Variants in CA10 observed in about 807,000 individuals in gnomAD.
CA10 encodes the protein carbonic anhydrase-related protein 10.
CA10 carries 14 observed loss-of-function variants against 44.2 expected under a neutral mutation model. The ratio of observed to expected loss-of-function variants is 0.32; its 90% CI spans 0.21 to 0.50. The LOEUF (loss-of-function observed/expected upper bound fraction) is 0.50. CA10 is among the 20% of genes least tolerant of loss of function. The pLI is 0.99. For synonymous variants in CA10, 159 were observed against 141.6 expected, an observed-to-expected ratio of 1.12 and a Z score of -0.87; for missense variants, 350 against 409.7, an observed-to-expected ratio of 0.85 and a Z score of 1.26.
At chr17:51,715,933 G>A (rs1313189194) in intron 4 of CA10, among the ~76,000 whole-genome samples, 16 of 151,996 alleles carry the variant, frequency 1.1e-4, no homozygotes, top group Admixed American at 2.0e-4. Flanking sequence ...CAGGTGATCC[G>A]CCCACCTCGG....
intron 2 of CA10, among the ~76,000 whole-genome samples, chr17:52,064,781 G>T (rs540479442): frequency 6.6e-6 from 1 of 152,142 alleles, no homozygotes; most frequent in Non-Finnish European, 1.5e-5. Context: ...ATGCTGTCCT[G>T]AGCCAAAGTA....
At chr17:51,878,888 A>G (rs1410957006) in intron 3 of CA10, among the ~76,000 whole-genome samples, 5,282 of 15,282 alleles carry the variant, frequency 0.35, 919 homozygotes, top group African/African-American at 0.48. Context: ...ATATATATAT[A>G]TATGGGTGTG....
chr17:51,790,879 C>T (rs1205375687), intron 3 of CA10, among the ~76,000 whole-genome samples: 2 of 152,190 alleles, frequency 1.3e-5, no homozygotes, highest in African/African-American at 4.8e-5. Context: ...TCAATATTAT[C>T]TCTGTTTTGG....
At chr17:51,718,025 A>G (rs968854527) in intron 4 of CA10, among the ~76,000 whole-genome samples, 37 of 149,790 alleles carry the variant, frequency 2.5e-4, no homozygotes, top group African/African-American at 8.9e-4. Flanking sequence ...CTGAAGACGT[A>G]AAGGCATAAG....
chr17:52,019,419 T>G (rs1165601057), intron 2 of CA10, among the ~76,000 whole-genome samples: 1 of 152,156 alleles, frequency 6.6e-6, no homozygotes, highest in Non-Finnish European at 1.5e-5. Context: ...TATCTTTGAC[T>G]GATTCACCCT....
chr17:52,118,559 AC>A (rs1214153873), intron 1 of CA10, among the ~76,000 whole-genome samples: 1 of 152,158 alleles, frequency 6.6e-6, no homozygotes, highest in Non-Finnish European at 1.5e-5. Flanking sequence ...CCCCTGGAGC[AC>A]CCAAAAGAGA....
intron 4 of CA10, among the ~76,000 whole-genome samples, chr17:51,699,173 A>T (rs1258287838): frequency 2.0e-5 from 3 of 151,926 alleles, no homozygotes; most frequent in African/African-American, 7.3e-5. Flanking sequence ...ATACAAAAAA[A>T]TTACCCAGGT....
chr17:51,773,957 GTAT>G (rs1905709813), intron 3 of CA10, among the ~76,000 whole-genome samples: 1 of 152,152 alleles, frequency 6.6e-6, no homozygotes, highest in Admixed American at 6.6e-5. Context: ...ACACACACCT[GTAT>G]TATTATAAGT....
At chr17:51,946,791 T>C (rs1598133010) in intron 2 of CA10, among the ~76,000 whole-genome samples, 1 of 152,156 alleles carries the variant, frequency 6.6e-6, no homozygotes, top group African/African-American at 2.4e-5. Flanking sequence ...GCAGAAAGCA[T>C]GTTTTTGCGT....
intron 1 of CA10, among the ~76,000 whole-genome samples, chr17:52,116,090 C>CAAAAAAAAAAAAAAAAAAAAAA (rs71149393): frequency 7.3e-6 from 1 of 136,748 alleles, no homozygotes; most frequent in African/African-American, 2.6e-5. Flanking sequence ...GACTCTGTCT[C>CAAAAAAAAAAAAAAAAAAAAAA]AAAAAAAAAA....
intron 2 of CA10, among the ~76,000 whole-genome samples, chr17:51,984,031 G>T (rs894069865): frequency 1.3e-5 from 2 of 151,620 alleles, no homozygotes; most frequent in African/African-American, 2.4e-5. Flanking sequence ...TATTGTATTT[G>T]ATTATCTTCC....
chr17:52,131,911 C>CA (rs1989249232), intron 1 of CA10, among the ~76,000 whole-genome samples: 1 of 149,778 alleles, frequency 6.7e-6, no homozygotes, highest in Non-Finnish European at 1.5e-5. Context: ...ATAGCTAGGA[C>CA]AAAAAACCAA....
chr17:51,639,222 T>C (rs1912973025), intron 6 of CA10, among the ~76,000 whole-genome samples: 1 of 152,148 alleles, frequency 6.6e-6, no homozygotes, highest in Non-Finnish European at 1.5e-5. Context: ...AAGGTCAATG[T>C]GATTTGTTTA....
chr17:51,858,770 T>C (rs1008348932), intron 3 of CA10, among the ~76,000 whole-genome samples: 13 of 152,314 alleles, frequency 8.5e-5, no homozygotes, highest in African/African-American at 2.9e-4. Context: ...AAACATCATA[T>C]GGAAATAATT....
At chr17:52,042,665 T>C (rs1417848636) in intron 2 of CA10, among the ~76,000 whole-genome samples, 1 of 152,024 alleles carries the variant, frequency 6.6e-6, no homozygotes, top group Non-Finnish European at 1.5e-5. Context: ...ATTAAAAAAA[T>C]CTTTGGCAAG....
chr17:52,000,787 C>G (rs1985395168), intron 2 of CA10, among the ~76,000 whole-genome samples: 1 of 150,388 alleles, frequency 6.6e-6, no homozygotes, highest in African/African-American at 2.4e-5. Context: ...AATAGTATCC[C>G]TTTTTTATAG....
intron 2 of CA10, among the ~76,000 whole-genome samples, chr17:52,004,712 T>A (rs1985540167): frequency 6.6e-6 from 1 of 151,900 alleles, no homozygotes; most frequent in Non-Finnish European, 1.5e-5. Context: ...TAATAATTAA[T>A]ATGTACTTTT....
chr17:51,950,333 T>A (rs1287175596), intron 2 of CA10, among the ~76,000 whole-genome samples: 1 of 152,146 alleles, frequency 6.6e-6, no homozygotes, highest in East Asian at 1.9e-4. Context: ...TCCCCTTCTC[T>A]GTCCTTTTCT....
upstream of CA10, among the ~76,000 whole-genome samples, chr17:52,158,931 T>TAAG (rs1989882732): frequency 6.6e-6 from 1 of 151,440 alleles, no homozygotes; most frequent in African/African-American, 2.4e-5. Flanking sequence ...AGCGCGGCCA[T>TAAG]GAGGAGGAGG....
Sources: allele counts gnomAD v4.1 joint callset (sites outside exome capture counted in the v4.1 genomes callset), GRCh38; gene constraint gnomAD v4.1.1; transcripts MANE v1.5; gene names NCBI Gene and HGNC (gene_info 2026-07-23, HGNC 2026-07-21).